Variants in FERRY3 observed in about 807,000 individuals in gnomAD.
The protein encoded by FERRY3 is FERRY endosomal RAB5 effector complex subunit 3, also known as protein C12orf4.
At chr12:4,530,004 T>C in the FERRY3 span, 1 of 1,613,204 alleles carries the variant, frequency 6.2e-7, no homozygotes. Flanking sequence ...ATCTGCAAAA[T>C]CTTCATCCCA....
the FERRY3 span, among the ~76,000 whole-genome samples, chr12:4,516,825 T>C: frequency 2.4e-4 from 37 of 152,184 alleles, 1 homozygote; most frequent in South Asian, 7.7e-3. Context: ...GTAACAAACC[T>C]GCGCATCCTG....
At chr12:4,522,293 A>C in the FERRY3 span, among the ~76,000 whole-genome samples, 1 of 152,268 alleles carries the variant, frequency 6.6e-6, no homozygotes, top group African/African-American at 2.4e-5. Context: ...CACTATTAAG[A>C]AAATGAAACG....
At chr12:4,511,744 G>A in the FERRY3 span, among the ~76,000 whole-genome samples, 16 of 146,208 alleles carry the variant, frequency 1.1e-4, no homozygotes, top group African/African-American at 4.3e-4. Flanking sequence ...AAAGCAGTGT[G>A]TAGAGGGAAA....
chr12:4,527,570 A>G, the FERRY3 span, among the ~76,000 whole-genome samples: 2 of 152,140 alleles, frequency 1.3e-5, no homozygotes. Flanking sequence ...GAAATAAGAA[A>G]ATGTGTCACT....
At chr12:4,534,090 G>C in the FERRY3 span, 6 of 1,466,782 alleles carry the variant, frequency 4.1e-6, no homozygotes, top group Admixed American at 1.1e-4. Context: ...GATTACCACA[G>C]CATTTTAAAA....
the FERRY3 span, among the ~76,000 whole-genome samples, chr12:4,494,088 G>A: frequency 6.6e-6 from 1 of 151,988 alleles, no homozygotes; most frequent in African/African-American, 2.4e-5. Flanking sequence ...GCAGGACTCC[G>A]TCTCAAAAAA....
the FERRY3 span, among the ~76,000 whole-genome samples, chr12:4,516,302 T>C: frequency 6.6e-6 from 1 of 152,154 alleles, no homozygotes; most frequent in Non-Finnish European, 1.5e-5. Flanking sequence ...CTCAGAACCT[T>C]GAAGAAAATC....
At chr12:4,525,146 C>T in the FERRY3 span, 1 of 1,358,352 alleles carries the variant, frequency 7.4e-7, no homozygotes, top group Non-Finnish European at 1.0e-6. Flanking sequence ...CTTGAACTTT[C>T]ACTAGCAAAT....
the FERRY3 span, among the ~76,000 whole-genome samples, chr12:4,514,349 T>G: frequency 0.18 from 27,227 of 149,100 alleles, 3,971 homozygotes; most frequent in African/African-American, 0.4. Flanking sequence ...ATTCCTCAGG[T>G]ATCTAGAACT....
the FERRY3 span, chr12:4,518,301 A>G: frequency 1.3e-6 from 2 of 1,539,368 alleles, no homozygotes; most frequent in Non-Finnish European, 1.8e-6. Context: ...GCAGCTACAG[A>G]AAGTCCAGTA....
the FERRY3 span, among the ~76,000 whole-genome samples, chr12:4,520,920 GA>G: frequency 1.3e-5 from 2 of 151,580 alleles, no homozygotes; most frequent in African/African-American, 4.8e-5. Context: ...ACGCAAAGGG[GA>G]AAAAAAAGGA....
chr12:4,534,395 T>C, the FERRY3 span: 1 of 1,360,148 alleles, frequency 7.4e-7, no homozygotes, highest in Non-Finnish European at 9.8e-7. Flanking sequence ...TGAAATCTTA[T>C]TGTTAAATTT....
the FERRY3 span, among the ~76,000 whole-genome samples, chr12:4,518,586 G>A: frequency 5.3e-5 from 8 of 152,080 alleles, no homozygotes; most frequent in African/African-American, 1.2e-4. Context: ...GGTCAGGCAC[G>A]GTGACTCATG....
chr12:4,530,720 A>G, the FERRY3 span, among the ~76,000 whole-genome samples: 18 of 152,292 alleles, frequency 1.2e-4, no homozygotes, highest in South Asian at 3.5e-3. Flanking sequence ...TATTAAAATG[A>G]TGAAGGGACT....
the FERRY3 span, chr12:4,530,171 T>C: frequency 2.5e-6 from 2 of 807,722 alleles, no homozygotes; most frequent in Non-Finnish European, 1.9e-6. Context: ...CTCTTATATA[T>C]ATATGTGTGT....
chr12:4,506,569 A>C, the FERRY3 span, among the ~76,000 whole-genome samples: 770 of 152,304 alleles, frequency 5.1e-3, 7 homozygotes, highest in African/African-American at 0.018. Context: ...ATAAGGAACA[A>C]TAAAGAAGGA....
chr12:4,525,288 G>C, the FERRY3 span: 14 of 1,613,318 alleles, frequency 8.7e-6, no homozygotes, highest in Middle Eastern at 1.6e-4. Context: ...TTTAGGTCTT[G>C]GTGAAGTTTT....
the FERRY3 span, chr12:4,505,289 T>C: frequency 3.4e-6 from 5 of 1,484,026 alleles, no homozygotes; most frequent in Non-Finnish European, 4.7e-6. Context: ...TAATTTAAAA[T>C]AAAAAGAAAT....
chr12:4,507,518 C>T, the FERRY3 span, among the ~76,000 whole-genome samples: 9 of 147,446 alleles, frequency 6.1e-5, no homozygotes, highest in Admixed American at 1.3e-4. Flanking sequence ...GTCCTTTAAC[C>T]CAGGAATTAT....
Sources: gnomAD v4.1 joint callset for allele counts (sites outside exome capture counted in the v4.1 genomes callset) on GRCh38, gnomAD v4.1.1 for gene constraint, MANE v1.5 for transcripts, NCBI Gene and HGNC (gene_info 2026-07-23, HGNC 2026-07-21) for gene names.